MBTD1: variants seen among roughly 807,000 people sequenced by gnomAD.
MBTD1 encodes mbt domain containing 1.
In MBTD1, 24 loss-of-function variants were observed where a neutral mutation model predicts 87.8. The ratio of observed to expected loss-of-function variants is 0.27; its 90% CI spans 0.20 to 0.38. The LOEUF (loss-of-function observed/expected upper bound fraction) is 0.38, where lower values mean the gene tolerates loss of function less well. Among genes scored for constraint, MBTD1 ranks in the 10% least tolerant of loss-of-function variants. MBTD1 has a pLI of 1.00. For synonymous variants in MBTD1, 237 were observed against 248.6 expected, an observed-to-expected ratio of 0.95 and a Z score of 0.44; for missense variants, 436 against 760.2, an observed-to-expected ratio of 0.57 and a Z score of 5.02.
intron 2 of MBTD1, among the ~76,000 whole-genome samples, chr17:51,251,907 A>T (rs1301121643): frequency 6.6e-6 from 1 of 152,154 alleles, no homozygotes; most frequent in Non-Finnish European, 1.5e-5. Flanking sequence ...CTGGGATTAC[A>T]GTGTGTGCCA....
chr17:51,237,543 T>C (rs2053919242), intron 2 of MBTD1, among the ~76,000 whole-genome samples: 1 of 151,942 alleles, frequency 6.6e-6, no homozygotes, highest in Non-Finnish European at 1.5e-5. Context: ...AATTCAAAGA[T>C]ATACAGATGG....
intron 4 of MBTD1, 115 bp downstream of exon 4, chr17:51,220,215 A>G (rs1568195977): frequency 9.7e-7 from 1 of 1,028,448 alleles, no homozygotes; most frequent in East Asian, 2.6e-5. Flanking sequence ...GATGTGGTAT[A>G]AAACCATAAC....
Position 51,245,664 on chromosome 17 carries a change from G to C in MBTD1, c.-49+13479C>G, listed in dbSNP as rs574542281. On this transcript the variant is annotated intron_variant, in intron 2 of 16. Transcript: ENST00000586178. ...ATTTAAAATACCACTTTAAGTGCTA[G>C]GTTTCCATATGTAGTTGTGTCCATT... Among the ~76,000 whole-genome samples the C allele has an allele frequency of 2.6e-5, 4 of 151,938 alleles. No homozygotes were observed. In the East Asian group the frequency reaches 7.7e-4, roughly 29 times the overall value.
intron 6 of MBTD1, among the ~76,000 whole-genome samples, chr17:51,211,366 G>A (rs1159781017): frequency 6.6e-6 from 1 of 151,848 alleles, no homozygotes; most frequent in Non-Finnish European, 1.5e-5. Context: ...AATTATCTGG[G>A]CATGGTGGTG....
At chr17:51,247,318 A>G (rs1211860541) in intron 2 of MBTD1, among the ~76,000 whole-genome samples, 1 of 152,134 alleles carries the variant, frequency 6.6e-6, no homozygotes. Context: ...ACTCATCAAA[A>G]TGTATTTTTG....
In MBTD1 at chr17:51,200,559, C is replaced by CAAAAAA. The variant is rs34253360; in HGVS notation, c.1224+1027_1224+1032dup. Among the ~76,000 whole-genome samples the CAAAAAA allele has an allele frequency of 4.7e-4, 29 of 62,276 alleles. 2 individuals are homozygous for CAAAAAA. Among genetic ancestry groups the CAAAAAA allele is most frequent in the Admixed American group, 1.1e-3 (5 of 4,640 alleles). 40.9% of individuals were successfully genotyped at this position (62,276 alleles called of 152,430 possible). ...TGGGTGACAGGGCGAGATACCATCT[C>CAAAAAA]AAAAAAAAAAAAAAAAAAAAAATGC... On this transcript the variant is annotated intron_variant, in intron 12 of 16. Transcript: ENST00000586178.
chr17:51,260,952 T>C, upstream of MBTD1: 1 of 1,489,244 alleles, frequency 6.7e-7, no homozygotes, highest in East Asian at 2.9e-5. Context: ...GCGCGCGGGC[T>C]GGGCGCACTC....
Position 51,259,922 on chromosome 17 carries a change from G to C in MBTD1, c.-200C>G, listed in dbSNP as rs912771751. The C allele has an allele frequency of 8.2e-7, 1 of 1,224,472 alleles. No individual in the cohort carries two copies. Among genetic ancestry groups the C allele is most frequent in the African/African-American group, 1.6e-5 (1 of 64,392 alleles). 75.9% of individuals were successfully genotyped at this position (1,224,472 alleles called of 1,614,324 possible). On this transcript the variant is annotated 5_prime_UTR_variant, in exon 1 of 17. Transcript: ENST00000586178. ...GCGGCGCCCCCTCCCCGGGCTGGGG[G>C]CAGGTGCCTCTCCCCGGGACTGCGG...
intron 16 of MBTD1, 52 bp from the exon 17 acceptor site, chr17:51,180,746 G>A (rs1366466731): frequency 2.4e-5 from 22 of 927,326 alleles, no homozygotes; most frequent in Non-Finnish European, 3.8e-5. Flanking sequence ...TAGAGTACTC[G>A]GATTGCCTGT....
chr17:51,259,676 C>T (rs924673781), intron 1 of MBTD1, among the ~76,000 whole-genome samples, 159 bp downstream of exon 1: 8 of 150,208 alleles, frequency 5.3e-5, no homozygotes, highest in African/African-American at 1.7e-4. Flanking sequence ...AATCGTTTAA[C>T]GGCTGGAAGG....
chr17:51,188,362 A>G lies in MBTD1; in HGVS notation c.1768+3841T>C, dbSNP rs1020544038. Among the ~76,000 whole-genome samples the G allele has an allele frequency of 4.6e-5, 7 of 152,210 alleles. No homozygotes were observed. The South Asian group carries it at 8.3e-4, about 18-fold the overall frequency. On this transcript the variant is annotated intron_variant, in intron 16 of 16. Transcript: ENST00000586178. ...CTTCGTGGCATGAACACAACTTACT[A>G]CAAAGCAAGCTAGACCAATGAAGCT... is the stretch of plus-strand genomic sequence containing the variant.
At chr17:51,183,247 T>G (rs2050398045) in intron 16 of MBTD1, 1 of 147,670 alleles carries the variant, frequency 6.8e-6, no homozygotes, top group Non-Finnish European at 1.5e-5. Context: ...TTCGGCTCAC[T>G]GCAACCTCCA....
At chr17:51,207,351 C>T (rs1383971099) in intron 6 of MBTD1, among the ~76,000 whole-genome samples, 1 of 152,142 alleles carries the variant, frequency 6.6e-6, no homozygotes, top group Non-Finnish European at 1.5e-5. Flanking sequence ...TGAGTGAATA[C>T]ACTTCACCCT....
chr17:51,182,128 T>C (rs1333640163), intron 16 of MBTD1, among the ~76,000 whole-genome samples: 1 of 137,522 alleles, frequency 7.3e-6, no homozygotes, highest in Non-Finnish European at 1.5e-5. Context: ...CCTGTGCATT[T>C]TTTTTTTTTT....
At chr17:51,249,094 C>CA (rs34803999) in intron 2 of MBTD1, among the ~76,000 whole-genome samples, 56,953 of 132,464 alleles carry the variant, frequency 0.43, 12,524 homozygotes, top group East Asian at 0.61. Flanking sequence ...CTACAATAAG[C>CA]AAAAAAAAAA....
chr17:51,242,330 T>G (rs1432201608), intron 2 of MBTD1, among the ~76,000 whole-genome samples: 1 of 152,220 alleles, frequency 6.6e-6, no homozygotes, highest in Non-Finnish European at 1.5e-5. Flanking sequence ...TTCACATTTG[T>G]GTCTTTTTCA....
At chr17:51,220,122 T>C (rs2052802734) in intron 4 of MBTD1, among the ~76,000 whole-genome samples, 1 of 152,268 alleles carries the variant, frequency 6.6e-6, no homozygotes, top group Non-Finnish European at 1.5e-5. Flanking sequence ...TAATAGTTTA[T>C]TTGGATAGTA....
chr17:51,214,834 T>G (rs2052474090), intron 6 of MBTD1, among the ~76,000 whole-genome samples: 1 of 152,272 alleles, frequency 6.6e-6, no homozygotes, highest in South Asian at 2.1e-4. Flanking sequence ...TTAGAAGACT[T>G]TGATGATACA....
intron 16 of MBTD1, among the ~76,000 whole-genome samples, chr17:51,182,954 T>C (rs1053344753): frequency 4.6e-5 from 7 of 152,202 alleles, no homozygotes; most frequent in Admixed American, 3.9e-4. Flanking sequence ...AAATAATTCA[T>C]GTCTTTATTT....
Sources: allele counts gnomAD v4.1 joint callset (sites outside exome capture counted in the v4.1 genomes callset), GRCh38; gene constraint gnomAD v4.1.1; transcripts MANE v1.5; gene names NCBI Gene and HGNC (gene_info 2026-07-23, HGNC 2026-07-21).